PIGK: variants seen among roughly 807,000 people sequenced by gnomAD.
PIGK encodes the protein GPI-anchor transamidase.
Under a neutral mutation model 50.6 loss-of-function variants are expected in PIGK, and 42 were observed. The ratio of observed to expected loss-of-function variants is 0.83; its 90% CI spans 0.65 to 1.07. The LOEUF (loss-of-function observed/expected upper bound fraction) is 1.07. Among genes scored for constraint, PIGK ranks in the 50% least tolerant of loss-of-function variants. PIGK has a pLI of 0.00. For synonymous variants in PIGK, 151 were observed against 156.0 expected (o/e 0.97, Z 0.24); for missense variants, 448 against 488.7 (o/e 0.92, Z 0.78).
chr1:77,105,380 G>A (rs1430701736), intron 10 of PIGK, among the ~76,000 whole-genome samples: 1 of 151,910 alleles, frequency 6.6e-6, no homozygotes, highest in Non-Finnish European at 1.5e-5. Flanking sequence ...GCAAACTTTG[G>A]GCCATGGGTT....
At chr1:77,156,729 G>A (rs1238891504) in intron 8 of PIGK, among the ~76,000 whole-genome samples, 7 of 152,110 alleles carry the variant, frequency 4.6e-5, no homozygotes, top group Non-Finnish European at 2.9e-5. Context: ...CCAAGAAAAA[G>A]TTATGACTAA....
chr1:77,092,230 A>G lies in PIGK; in HGVS notation c.*144T>C. The G allele has an allele frequency of 2.1e-6, 1 of 480,770 alleles. No homozygotes were observed. Among genetic ancestry groups the G allele is most frequent in the South Asian group, 3.4e-5 (1 of 29,068 alleles). 29.8% of individuals were successfully genotyped at this position (480,770 alleles called of 1,614,324 possible). The stretch of plus-strand genomic sequence containing the variant: ...ATTAACAATTATTTTTCTTTAAGTT[A>G]TAAAATTAATAGTTGATTCAAATTT... On this transcript the variant is annotated 3_prime_UTR_variant, in exon 11 of 11. Transcript: ENST00000370812.
rs181725319 is a variant in PIGK at position 77,152,357 on chromosome 1, G to A, written c.986+2092C>T. Among the ~76,000 whole-genome samples, 456 of 152,030 alleles carry A rather than the reference G, an allele frequency of 3.0e-3. 1 individual carries two copies. Among genetic ancestry groups the A allele is most frequent in the African/African-American group, 0.011 (446 of 41,482 alleles). On this transcript the variant is annotated intron_variant, in intron 9 of 10. Transcript: ENST00000370812. ...CATATCCCAAAATCAAATCAAAATG[G>A]ATTAAAGACTTAAATCTAAGACCTG...
At chr1:77,206,977 G>C (rs1656302372) in intron 2 of PIGK, among the ~76,000 whole-genome samples, 1 of 152,108 alleles carries the variant, frequency 6.6e-6, no homozygotes, top group South Asian at 2.1e-4. Context: ...GACCAGCCTG[G>C]CCAACATGGC....
intron 10 of PIGK, among the ~76,000 whole-genome samples, chr1:77,106,202 C>T (rs1020613327): frequency 2.6e-5 from 4 of 152,028 alleles, no homozygotes; most frequent in Admixed American, 6.6e-5. Context: ...AAGGTAATTC[C>T]AACTCCTTGT....
At chr1:77,215,635 A>T (rs796699976) in intron 1 of PIGK, among the ~76,000 whole-genome samples, 1 of 152,200 alleles carries the variant, frequency 6.6e-6, no homozygotes, top group African/African-American at 2.4e-5. Context: ...TTATTGCAGC[A>T]CTATTCACAA....
chr1:77,128,772 T>C (rs1654287118), intron 9 of PIGK, among the ~76,000 whole-genome samples: 1 of 152,250 alleles, frequency 6.6e-6, no homozygotes, highest in Admixed American at 6.5e-5. Flanking sequence ...ATGAAATATA[T>C]ATAGAATATC....
chr1:77,111,534 A>G (rs55786631), intron 10 of PIGK, among the ~76,000 whole-genome samples: 11,710 of 150,354 alleles, frequency 0.078, 613 homozygotes, highest in South Asian at 0.21. Context: ...ACATGTTCTC[A>G]CTCATAGGTG....
At chr1:77,106,338 A>C (rs1653673487) in intron 10 of PIGK, among the ~76,000 whole-genome samples, 1 of 152,206 alleles carries the variant, frequency 6.6e-6, no homozygotes, top group Non-Finnish European at 1.5e-5. Context: ...ACAAATCATT[A>C]AGCCTCCCAC....
intron 6 of PIGK, among the ~76,000 whole-genome samples, chr1:77,162,681 C>T (rs760168119): frequency 7.9e-5 from 12 of 152,148 alleles, no homozygotes; most frequent in Non-Finnish European, 1.6e-4. Context: ...TTTTCTCAGA[C>T]ACTGGGTCTA....
At chr1:77,094,306 T>C (rs976285059) in intron 10 of PIGK, among the ~76,000 whole-genome samples, 3 of 152,130 alleles carry the variant, frequency 2.0e-5, no homozygotes, top group African/African-American at 7.2e-5. Context: ...CCCTCATTTA[T>C]ATGGCATTTA....
chr1:77,106,466 TTATC>T (rs1317814744), intron 10 of PIGK, among the ~76,000 whole-genome samples: 3 of 152,200 alleles, frequency 2.0e-5, no homozygotes, highest in African/African-American at 4.8e-5. Context: ...TTAAAATAAA[TTATC>T]TAAAGTTTGA....
intron 6 of PIGK, 63 bp downstream of exon 6, chr1:77,163,783 C>T: frequency 1.2e-6 from 1 of 864,774 alleles, no homozygotes; most frequent in Non-Finnish European, 1.8e-6. Flanking sequence ...AATTACAAAT[C>T]TACGAACCAT....
At chr1:77,161,888 T>A (rs1655137160) in intron 6 of PIGK, among the ~76,000 whole-genome samples, 177 bp from the exon 7 acceptor site, 1 of 152,164 alleles carries the variant, frequency 6.6e-6, no homozygotes, top group African/African-American at 2.4e-5. Context: ...TATAAATTTG[T>A]CCAAGGAAAC....
intron 3 of PIGK, among the ~76,000 whole-genome samples, chr1:77,177,562 G>A (rs1452749643): frequency 1.3e-5 from 2 of 152,154 alleles, no homozygotes; most frequent in African/African-American, 4.8e-5. Flanking sequence ...TAAAAACAAT[G>A]CTTATCACTC....
At chr1:77,142,485 A>G (rs981153072) in intron 9 of PIGK, among the ~76,000 whole-genome samples, 4 of 152,188 alleles carry the variant, frequency 2.6e-5, no homozygotes, top group African/African-American at 9.7e-5. Flanking sequence ...TAGAGAGATT[A>G]AATAAGGTAC....
chr1:77,102,505 T>A (rs1396947997), intron 10 of PIGK, among the ~76,000 whole-genome samples: 1 of 152,114 alleles, frequency 6.6e-6, no homozygotes, highest in African/African-American at 2.4e-5. Context: ...CGGCTGACTT[T>A]GAAGGTGGAG....
chr1:77,141,813 T>C (rs1347434712), intron 9 of PIGK, among the ~76,000 whole-genome samples: 2 of 152,142 alleles, frequency 1.3e-5, no homozygotes, highest in African/African-American at 4.8e-5. Context: ...TTTGGCATTA[T>C]TCAAAAAATT....
intron 9 of PIGK, among the ~76,000 whole-genome samples, chr1:77,123,441 CAT>C (rs1654150350): frequency 6.6e-6 from 1 of 152,066 alleles, no homozygotes; most frequent in African/African-American, 2.4e-5. Context: ...ACAAAATTTT[CAT>C]ATGATTTAAG....
Sources: allele counts gnomAD v4.1 joint callset (sites outside exome capture counted in the v4.1 genomes callset), GRCh38; gene constraint gnomAD v4.1.1; transcripts MANE v1.5; gene names NCBI Gene and HGNC (gene_info 2026-07-23, HGNC 2026-07-21).